The following RASEF variants were observed in gnomAD, a reference collection of about 807,000 sequenced individuals.
RASEF encodes the protein ras and EF-hand domain-containing protein.
Under a neutral mutation model 90.1 loss-of-function variants are expected in RASEF, and 68 were observed. The observed-to-expected ratio is 0.75, with a 90% CI of 0.62 to 0.92. The LOEUF is 0.92. Among genes scored for constraint, RASEF ranks in the 40% least tolerant of loss-of-function variants. The pLI is 0.00. For missense variants in RASEF, 949 were observed against 937.2 expected, an observed-to-expected ratio of 1.01 and a Z score of -0.16; for synonymous variants, 331 against 345.2, an observed-to-expected ratio of 0.96 and a Z score of 0.46.
At chr9:83,030,012 G>A (rs578175477) in intron 1 of RASEF, among the ~76,000 whole-genome samples, 1 of 152,234 alleles carries the variant, frequency 6.6e-6, no homozygotes, top group East Asian at 1.9e-4. Context: ...TACCAGGAAG[G>A]TAAAAAGCAT....
At chr9:83,144,738 G>A in the RASEF span, among the ~76,000 whole-genome samples, 3 of 152,328 alleles carry the variant, frequency 2.0e-5, no homozygotes, top group South Asian at 6.2e-4. Context: ...ACTGGTAACT[G>A]AGTTACACTA....
At chr9:83,137,069 T>G in the RASEF span, among the ~76,000 whole-genome samples, 1 of 152,124 alleles carries the variant, frequency 6.6e-6, no homozygotes, top group African/African-American at 2.4e-5. Context: ...TCATATAGAT[T>G]AATTATAAAA....
the RASEF span, among the ~76,000 whole-genome samples, chr9:83,072,815 A>T: frequency 6.6e-6 from 1 of 152,160 alleles, no homozygotes; most frequent in East Asian, 1.9e-4. Context: ...CAGTCCACTG[A>T]CTCAAATGTT....
chr9:83,004,253 A>G (rs1372564938), intron 9 of RASEF, among the ~76,000 whole-genome samples: 4 of 152,142 alleles, frequency 2.6e-5, no homozygotes, highest in Non-Finnish European at 5.9e-5. Context: ...ACAAGACATG[A>G]TTAGAGATGA....
the RASEF span, among the ~76,000 whole-genome samples, chr9:83,095,907 GC>G: frequency 2.0e-5 from 3 of 151,984 alleles, no homozygotes; most frequent in African/African-American, 7.3e-5. Context: ...ACCCTCTTTT[GC>G]TTATCCCTGT....
At position 83,005,442 on chromosome 9, in the gene RASEF, T is replaced by G; in HGVS notation, c.1087A>C (p.Ser363Arg). 2 of 1,613,732 alleles carry G rather than the reference T, an allele frequency of 1.2e-6. No individual in the cohort carries two copies. Among genetic ancestry groups the G allele is most frequent in the Non-Finnish European group, 1.7e-6 (2 of 1,179,650 alleles). ...AAAGATCTGTTGAACTTGCTATAAC[T>G]GTTTTCAAGGGCACTTCTAAGGCCA... ...NDGLRSALEN[S>R]YSKFNRSLHI... The change falls in exon 8 of 17, where the codon AGT becomes CGT. Residue 363 changes from serine to arginine, a missense_variant. Around this residue, in one of 3 missense-constraint regions of RASEF, gnomAD observed 656 missense variants for 592.2 expected, o/e 1.11. Transcript: ENST00000376447.
At chr9:83,002,182 AC>A (rs1564073174) in intron 9 of RASEF, among the ~76,000 whole-genome samples, 3 of 152,222 alleles carry the variant, frequency 2.0e-5, no homozygotes, top group African/African-American at 7.2e-5. Flanking sequence ...GAGAATGGGC[AC>A]GATACATAGG....
the RASEF span, among the ~76,000 whole-genome samples, chr9:83,133,270 G>A: frequency 6.6e-6 from 1 of 152,012 alleles, no homozygotes; most frequent in African/African-American, 2.4e-5. Context: ...GGAAGACCAA[G>A]GAAAAGGACT....
chr9:83,007,630 C>G (rs553339434), intron 6 of RASEF, 125 bp from the exon 7 acceptor site: 2 of 708,348 alleles, frequency 2.8e-6, no homozygotes, highest in African/African-American at 1.7e-5. Flanking sequence ...AGTTTTCTAT[C>G]TTTCCCGTGC....
At chr9:83,207,347 G>A in the RASEF span, among the ~76,000 whole-genome samples, 9 of 152,268 alleles carry the variant, frequency 5.9e-5, no homozygotes, top group African/African-American at 1.2e-4. Flanking sequence ...TTGGGTCTCC[G>A]CTCAGGGTGT....
chr9:83,049,392 G>C, intron 1 of RASEF: 1 of 930,616 alleles, frequency 1.1e-6, no homozygotes, highest in Non-Finnish European at 1.3e-6. Flanking sequence ...TGGCTATCTT[G>C]AACACATTTC....
chr9:83,104,251 T>G, the RASEF span, among the ~76,000 whole-genome samples: 1 of 152,160 alleles, frequency 6.6e-6, no homozygotes, highest in Non-Finnish European at 1.5e-5. Context: ...AATGACCAGC[T>G]TTTTGCTTGA....
chr9:83,010,711 T>C (rs1035695442), intron 5 of RASEF, among the ~76,000 whole-genome samples: 3 of 152,034 alleles, frequency 2.0e-5, no homozygotes, highest in Non-Finnish European at 4.4e-5. Flanking sequence ...GTGGCTCCTG[T>C]AAAAAAAGCT....
the RASEF span, among the ~76,000 whole-genome samples, chr9:83,143,034 C>T: frequency 1.3e-5 from 2 of 152,142 alleles, no homozygotes; most frequent in Non-Finnish European, 2.9e-5. Flanking sequence ...TTAAACTCAT[C>T]AGTTTAGTTC....
intron 3 of RASEF, among the ~76,000 whole-genome samples, chr9:83,019,389 T>C (rs58053836): frequency 2.0e-3 from 304 of 152,226 alleles, no homozygotes; most frequent in African/African-American, 6.8e-3. Context: ...AACTAGTCAT[T>C]AGAGAGATGC....
chr9:83,101,887 T>A, the RASEF span, among the ~76,000 whole-genome samples: 1 of 152,200 alleles, frequency 6.6e-6, no homozygotes, highest in Non-Finnish European at 1.5e-5. Flanking sequence ...ACTGAACTCA[T>A]GGCCAACGGC....
the RASEF span, among the ~76,000 whole-genome samples, chr9:83,142,961 G>A: frequency 6.6e-6 from 1 of 152,186 alleles, no homozygotes; most frequent in South Asian, 2.1e-4. Flanking sequence ...GATCCCGAGT[G>A]AAAGTTGGTG....
At chr9:83,026,495 A>G (rs1829552395) in intron 1 of RASEF, among the ~76,000 whole-genome samples, 1 of 152,148 alleles carries the variant, frequency 6.6e-6, no homozygotes, top group African/African-American at 2.4e-5. Flanking sequence ...AAGAGTGAGG[A>G]GTGAAGGAGG....
At position 83,022,437 on chromosome 9, in the gene RASEF, A is replaced by G; in HGVS notation, c.579-11T>C. 1 of 1,598,346 alleles carries G rather than the reference A, an allele frequency of 6.3e-7. No homozygotes were observed. Among genetic ancestry groups the G allele is most frequent in the Admixed American group, 1.7e-5 (1 of 60,008 alleles). ...GCCTTGTCCTGGGCTCTGAAATTCAAAAGGATGCACACCTTTTCATTATAC... is the reference window on the plus strand; with the variant it reads ...GCCTTGTCCTGGGCTCTGAAATTCAGAAGGATGCACACCTTTTCATTATAC... On this transcript the variant is annotated splice_polypyrimidine_tract_variant and intron_variant, in intron 2 of 16. Transcript: ENST00000376447.
Sources: gnomAD v4.1 joint callset for allele counts (sites outside exome capture counted in the v4.1 genomes callset) on GRCh38, gnomAD v4.1.1 for gene constraint, gnomAD v4.1.1 regional missense constraint, MANE v1.5 for transcripts, NCBI Gene and HGNC (gene_info 2026-07-23, HGNC 2026-07-21) for gene names.